The following NCOA6 variants were observed in gnomAD, a reference collection of about 807,000 sequenced individuals.
The protein encoded by NCOA6 is nuclear receptor coactivator 6, also known as NRC RAP250.
Under a neutral mutation model 171.4 loss-of-function variants are expected in NCOA6, and 49 were observed. The observed-to-expected ratio is 0.29, with a 90% CI of 0.23 to 0.36. The LOEUF (loss-of-function observed/expected upper bound fraction) is 0.36. Ranked by LOEUF, NCOA6 falls within the 10% of genes least tolerant of loss-of-function variation. The pLI, the probability that NCOA6 is intolerant of heterozygous loss-of-function variation, is 1.00. For missense variants in NCOA6, 2,248 were observed against 2,554.5 expected (o/e 0.88, Z 2.59); for synonymous variants, 910 against 927.5 (o/e 0.98, Z 0.34).
chr20:34,815,007 C>A (rs2078786686), intron 1 of NCOA6, among the ~76,000 whole-genome samples: 1 of 152,172 alleles, frequency 6.6e-6, no homozygotes, highest in Non-Finnish European at 1.5e-5. Flanking sequence ...CACCTGAGGG[C>A]TATTACTGAC....
Position 34,757,496 on chromosome 20 carries a change from A to G in NCOA6, c.1252T>C (p.Leu418=), listed in dbSNP as rs776455184. ...TTGTTGGTGAGGTGGGGCTGCTGCAAGGGAGTTGGGACCCTAGAGGGCCCT... is the reference window on the plus strand; with the variant it reads ...TTGTTGGTGAGGTGGGGCTGCTGCAGGGGAGTTGGGACCCTAGAGGGCCCT... The part of the protein sequence containing the change: ...QGGPSRVPTP[L]QQPHLTNKSP... Residue 418 remains leucine, a synonymous_variant, in exon 7 of 15, where the codon TTG becomes CTG. Coordinates refer to ENST00000359003, the MANE Select transcript of NCOA6 (RefSeq NM_014071.5). 72 of 1,613,728 alleles carry G rather than the reference A, an allele frequency of 4.5e-5. No homozygotes were observed. Among genetic ancestry groups the G allele is most frequent in the Non-Finnish European group, 5.8e-5 (68 of 1,179,882 alleles).
In NCOA6 at chr20:34,757,701, C is replaced by G. The variant is rs780732417; in HGVS notation, c.1047G>C (p.Leu349Phe). The change falls in exon 7 of 15, where the codon TTG becomes TTC. Residue 349 changes from leucine to phenylalanine, a missense_variant. Coordinates refer to ENST00000359003, the MANE Select transcript of NCOA6 (RefSeq NM_014071.5). The stretch of plus-strand genomic sequence containing the variant: ...GGAGTTGCTGTTGCATTGGGCCGGG[C>G]AAGGGAGCCTTCTTCCACCCTTGGT... ...TANQGWKKAP[L>F]PGPMQQQLQA... 1.2e-5 allele frequency: 19 copies of G among 1,613,962 alleles called. No individual in the cohort carries two copies. The East Asian group carries it at 4.2e-4, about 36-fold the overall frequency.
chr20:34,747,948 G>A (rs148336546), intron 9 of NCOA6, among the ~76,000 whole-genome samples: 42 of 152,150 alleles, frequency 2.8e-4, no homozygotes, highest in African/African-American at 9.4e-4. Flanking sequence ...GAAAACTAAG[G>A]CCCAAAAAGG....
At chr20:34,767,883 T>C (rs1375590728) in intron 5 of NCOA6, among the ~76,000 whole-genome samples, 2 of 152,156 alleles carry the variant, frequency 1.3e-5, no homozygotes, top group Non-Finnish European at 2.9e-5. Flanking sequence ...TTCCACAGCT[T>C]CCTCTGCTTT....
At chr20:34,766,107 C>T (rs1420021406) in intron 5 of NCOA6, among the ~76,000 whole-genome samples, 2 of 152,016 alleles carry the variant, frequency 1.3e-5, no homozygotes, top group African/African-American at 4.8e-5. Flanking sequence ...TCTCAATAGA[C>T]AACAGAGAAA....
At position 34,742,184 on chromosome 20, in the gene NCOA6, A is replaced by G; in HGVS notation, c.4072T>C (p.Ser1358Pro). The change falls in exon 11 of 15, where the codon TCT becomes CCT. Residue 1358 changes from serine to proline, a missense_variant. Physicochemically the swap from Ser to Pro is moderately conservative, Grantham distance 74. Coordinates refer to ENST00000359003, the MANE Select transcript of NCOA6 (RefSeq NM_014071.5). ...NSKAPKLTLA[S>P]QTNAALLQNV... ...TGCAATAGGGCTGCATTTGTCTGAG[A>G]GGCCAGAGTAAGTTTAGGGGCTTTT... The G allele has an allele frequency of 1.2e-6, 2 of 1,614,210 alleles. No individual in the cohort carries two copies. Among genetic ancestry groups the G allele is most frequent in the Non-Finnish European group, 1.7e-6 (2 of 1,180,042 alleles).
chr20:34,813,829 T>C (rs1471574729), intron 1 of NCOA6, among the ~76,000 whole-genome samples: 1 of 152,134 alleles, frequency 6.6e-6, no homozygotes, highest in Non-Finnish European at 1.5e-5. Flanking sequence ...AGAACTGCTA[T>C]TATACTAGAA....
chr20:34,727,321 C>T lies in NCOA6; in HGVS notation c.6086G>A (p.Ser2029Asn), dbSNP rs754362451. 2.5e-6 allele frequency: 4 copies of T among 1,614,208 alleles called. No individual in the cohort carries two copies. The highest frequency in any genetic ancestry group is 2.5e-6 in the Non-Finnish European group (3 of 1,180,046). Residue 2029 changes from serine (S) to asparagine (N), a missense_variant, in exon 14 of 15, where the codon AGT (serine) becomes AAT (asparagine). Physicochemically the swap from Ser to Asn is conservative, Grantham distance 46. Transcript: ENST00000359003. ...TCGTTTACGATGTCCATTTTCCACA[C>T]TTTCAGAGGCCACAGTTGGCTCTTC... ...RTEEPTVASE[S>N]VENGHRKRSS...
At position 34,758,762 on chromosome 20, in the gene NCOA6, G is replaced by A. The variant is rs372453589; in HGVS notation, c.643+43C>T. ...ACTGAATTTTATAATGATCTGTGCA[G>A]AAAGTTTCAGACTCTTCATCCTCAA... On this transcript the variant is annotated intron_variant, in intron 6 of 14. Transcript: ENST00000359003. 6 of 1,603,142 alleles carry A rather than the reference G, an allele frequency of 3.7e-6. No individual in the cohort carries two copies. In the African/African-American group the frequency reaches 6.7e-5, roughly 18 times the overall value.
At position 34,742,027 on chromosome 20, in the gene NCOA6, C is replaced by G; in HGVS notation, c.4229G>C (p.Gly1410Ala). 6.2e-7 allele frequency: 1 copy of G among 1,614,162 alleles called. No homozygotes were observed. The highest frequency in any genetic ancestry group is 8.5e-7 in the Non-Finnish European group (1 of 1,180,032). The change falls in exon 11 of 15, where the codon GGT becomes GCT. Residue 1410 changes from glycine (G) to alanine (A), a missense_variant. By Grantham distance (60) the Gly-to-Ala change is moderately conservative (BLOSUM62 0). Around this residue, in one of 7 missense-constraint regions of NCOA6, gnomAD observed 884 missense variants for 941.9 expected, o/e 0.94. Transcript: ENST00000359003. The stretch of plus-strand genomic sequence containing the variant: ...GCTCTCCTTGTTATCCTCAACAACA[C>G]CCCCAACTGCAGCCACAGACACAGT... The part of the protein sequence containing the change: ...NSTVSVAAVG[G>A]VVEDNKESLN...
chr20:34,787,827 C>T (rs775467598), intron 2 of NCOA6, among the ~76,000 whole-genome samples: 4 of 152,002 alleles, frequency 2.6e-5, no homozygotes, highest in Admixed American at 6.6e-5. Flanking sequence ...TGTGCTGAGA[C>T]TGGCAGCTCA....
chr20:34,755,378 C>T (rs1323996603), intron 7 of NCOA6, among the ~76,000 whole-genome samples: 1 of 152,114 alleles, frequency 6.6e-6, no homozygotes, highest in Non-Finnish European at 1.5e-5. Context: ...AGAAAATTTC[C>T]CCCCATTATT....
At position 34,740,581 on chromosome 20, in the gene NCOA6, C is replaced by T; in HGVS notation, c.5675G>A (p.Ser1892Asn). 1 of 1,614,146 alleles carries T rather than the reference C, an allele frequency of 6.2e-7. No individual in the cohort carries two copies. The highest frequency in any genetic ancestry group is 8.5e-7 in the Non-Finnish European group (1 of 1,180,016). Residue 1892 changes from serine (S) to asparagine (N), a missense_variant, in exon 11 of 15, where the codon AGC becomes AAC. This residue lies in a region of NCOA6 where 884 missense variants were observed against 941.9 expected (regional missense o/e 0.94). Coordinates refer to ENST00000359003, the MANE Select transcript of NCOA6 (RefSeq NM_014071.5). ...PAPTLLKMTS[S>N]PVGPGTASAG... Reference sequence around the variant, plus strand: ...TGAGGCAGTGCCCGGGCCCACAGGGCTAGAGGTCATTTTTAGCAGAGTGGG... The same window carrying T: ...TGAGGCAGTGCCCGGGCCCACAGGGTTAGAGGTCATTTTTAGCAGAGTGGG...
intron 10 of NCOA6, among the ~76,000 whole-genome samples, chr20:34,746,284 G>C (rs1941379615): frequency 6.7e-6 from 1 of 149,984 alleles, no homozygotes; most frequent in Non-Finnish European, 1.5e-5. Flanking sequence ...CAGGGTCCCA[G>C]GCTGGAGTGC....
chr20:34,738,757 C>T (rs993072507), intron 11 of NCOA6: 65 of 406,912 alleles, frequency 1.6e-4, no homozygotes, highest in Admixed American at 1.5e-3. Context: ...GTAGAATGTA[C>T]GATCTCCATT....
intron 10 of NCOA6, among the ~76,000 whole-genome samples, chr20:34,744,515 G>A (rs901616038): frequency 5.9e-5 from 9 of 152,100 alleles, no homozygotes; most frequent in African/African-American, 2.2e-4. Flanking sequence ...AGAACAACTG[G>A]CTCTGGCAGT....
At position 34,757,935 on chromosome 20, in the gene NCOA6, C is replaced by T. The variant is rs2076696556; in HGVS notation, c.813G>A (p.Gln271=). 2 of 1,613,454 alleles carry T rather than the reference C, an allele frequency of 1.2e-6. No individual in the cohort carries two copies. The highest frequency in any genetic ancestry group is 1.7e-5 in the Admixed American group (1 of 59,958). ...GCTGTTGTTGCTGCTGCTGCTGCTG[C>T]TGCTGCTGTTGTTGTTGTTGCTGCT... ...QQQQQQQQQQ[Q]QQQQQQQQQQ... Residue 271 remains glutamine (Q), a synonymous_variant, in exon 7 of 15, where the codon CAG becomes CAA. Coordinates refer to ENST00000359003, the MANE Select transcript of NCOA6 (RefSeq NM_014071.5).
intron 1 of NCOA6, among the ~76,000 whole-genome samples, chr20:34,802,731 A>G (rs928662258): frequency 3.3e-5 from 5 of 152,248 alleles, no homozygotes; most frequent in African/African-American, 1.2e-4. Context: ...GTTTAATTAT[A>G]TAATTACATT....
At chr20:34,768,687 G>A in intron 4 of NCOA6, 101 bp from the exon 5 acceptor site, 1 of 1,369,516 alleles carries the variant, frequency 7.3e-7, no homozygotes, top group Admixed American at 2.1e-5. Flanking sequence ...TGCTTTTGAA[G>A]AATTATGGTT....
Sources: allele counts gnomAD v4.1 joint callset (sites outside exome capture counted in the v4.1 genomes callset), GRCh38; gene constraint gnomAD v4.1.1; regional missense constraint gnomAD v4.1.1; transcripts MANE v1.5; gene names NCBI Gene and HGNC (gene_info 2026-07-23, HGNC 2026-07-21).